The following C8orf76 variants were observed in gnomAD, a reference collection of about 807,000 sequenced individuals.
C8orf76 encodes the protein chromosome 8 open reading frame 76.
Under a neutral mutation model 38.1 loss-of-function variants are expected in C8orf76, and 46 were observed. The observed-to-expected ratio is 1.21, with a 90% CI of 0.95 to 1.54. The LOEUF (loss-of-function observed/expected upper bound fraction) is 1.54, where lower values mean the gene tolerates loss of function less well. Among genes scored for constraint, C8orf76 ranks in the 40% most tolerant of loss-of-function variants. The probability of loss-of-function intolerance (pLI) is 0.00; values close to 1 mark genes in which losing one functional copy is unlikely to be tolerated. For synonymous variants in C8orf76, 166 were observed against 167.5 expected (o/e 0.99, Z 0.07); for missense variants, 461 against 441.6 (o/e 1.04, Z -0.39).
chr8:123,231,270 C>T (rs1289683926), intron 4 of C8orf76, 30 bp downstream of exon 4: 1 of 1,573,342 alleles, frequency 6.4e-7, no homozygotes, highest in East Asian at 2.2e-5. Context: ...AGCTGATTAC[C>T]AAGCGTTGCT....
intron 5 of C8orf76, among the ~76,000 whole-genome samples, chr8:123,222,424 T>C (rs996716381): frequency 6.6e-6 from 1 of 152,078 alleles, no homozygotes; most frequent in South Asian, 2.1e-4. Flanking sequence ...AAATGAATAA[T>C]AGTAAGACCC....
chr8:123,240,823 T>G (rs1825657136), intron 1 of C8orf76, among the ~76,000 whole-genome samples: 1 of 152,146 alleles, frequency 6.6e-6, no homozygotes, highest in Non-Finnish European at 1.5e-5. Flanking sequence ...AGCGCGGGGT[T>G]GGTACGGGCA....
Position 123,220,178 on chromosome 8 carries a change from C to G in C8orf76, c.1068G>C (p.Lys356Asn). 1.2e-6 allele frequency: 2 copies of G among 1,614,032 alleles called. No individual in the cohort carries two copies. Among genetic ancestry groups the G allele is most frequent in the South Asian group, 2.2e-5 (2 of 91,078 alleles). The change falls in exon 6 of 6, where the codon AAG (lysine) becomes AAC (asparagine). Residue 356 changes from lysine to asparagine, a missense_variant. By Grantham distance (94) the Lys-to-Asn change is moderately conservative. Transcript: ENST00000276704. ...AATGGTCTTTGATCTTTCTGAACCA[C>G]TTGTCTTCAAATTCTTCTGAGGATA... ...VTVSSEEFED[K>N]WFRKIKDHFC...
intron 5 of C8orf76, among the ~76,000 whole-genome samples, chr8:123,222,285 G>A (rs1031341134): frequency 2.0e-5 from 3 of 152,176 alleles, no homozygotes; most frequent in African/African-American, 7.2e-5. Flanking sequence ...CGCCCGGCAG[G>A]CATCTTATTT....
chr8:123,231,392 A>C lies in C8orf76; in HGVS notation c.723T>G (p.Ala241=), dbSNP rs1283432347. 1.2e-6 allele frequency: 2 copies of C among 1,614,108 alleles called. No individual in the cohort carries two copies. The highest frequency in any genetic ancestry group is 1.7e-6 in the Non-Finnish European group (2 of 1,180,052). ...CCATACAGTTTTGGATATTTGTCAGAGCTTTCTCATTTTTCTGGCTATTAC... is the reference window on the plus strand; with the variant it reads ...CCATACAGTTTTGGATATTTGTCAGCGCTTTCTCATTTTTCTGGCTATTAC... ...NSSNSQKNEK[A]LTNIQNCMAE... is the part of the protein sequence containing the mutation. Residue 241 remains alanine (A), a synonymous_variant, in exon 4 of 6, where the codon GCT becomes GCG. Transcript: ENST00000276704.
At chr8:123,241,115 T>C in intron 1 of C8orf76, 115 bp downstream of exon 1, 1 of 1,060,166 alleles carries the variant, frequency 9.4e-7, no homozygotes, top group Non-Finnish European at 1.3e-6. Flanking sequence ...CGGCGGGCGC[T>C]GGAGCCTGCC....
chr8:123,222,444 A>C (rs930581951), intron 5 of C8orf76, among the ~76,000 whole-genome samples: 5 of 152,186 alleles, frequency 3.3e-5, no homozygotes, highest in Non-Finnish European at 7.3e-5. Context: ...CAAACAACAC[A>C]CTATTCCCAA....
At chr8:123,220,321 A>G in intron 5 of C8orf76, 24 bp from the exon 6 acceptor site, 1 of 1,494,858 alleles carries the variant, frequency 6.7e-7, no homozygotes, top group South Asian at 1.3e-5. Flanking sequence ...AAAAAAAAAA[A>G]CTGTCCCAAT....
At chr8:123,223,702 C>G (rs927523860) in intron 5 of C8orf76, among the ~76,000 whole-genome samples, 1 of 152,140 alleles carries the variant, frequency 6.6e-6, no homozygotes, top group African/African-American at 2.4e-5. Flanking sequence ...GTAGAAACAA[C>G]TCAAGTATCC....
rs556785814 is a variant in C8orf76 at position 123,241,303 on chromosome 8, G to C, written c.44C>G (p.Ser15Trp). The C allele has an allele frequency of 6.3e-7, 1 of 1,575,698 alleles. No individual in the cohort carries two copies. Among genetic ancestry groups the C allele is most frequent in the African/African-American group, 1.4e-5 (1 of 70,908 alleles). Residue 15 changes from serine to tryptophan, a missense_variant, in exon 1 of 6, where the codon TCG becomes TGG. Coordinates refer to ENST00000276704, the MANE Select transcript of C8orf76 (RefSeq NM_032847.3). Reference sequence around the variant, plus strand: ...CCGCTCCGGCCTCTCCTCGAACACCGAGTCCTCGAACTCGCCGCCGAACAA... The same window carrying C: ...CCGCTCCGGCCTCTCCTCGAACACCCAGTCCTCGAACTCGCCGCCGAACAA... ...CWLFGGEFED[S>W]VFEERPERRS...
chr8:123,235,469 T>C (rs1236509804), intron 3 of C8orf76, among the ~76,000 whole-genome samples: 2 of 151,940 alleles, frequency 1.3e-5, no homozygotes, highest in African/African-American at 4.8e-5. Context: ...GAAGAAATTT[T>C]AAAAAACAAA....
intron 5 of C8orf76, 66 bp from the exon 6 acceptor site, chr8:123,220,363 C>T: frequency 8.1e-7 from 1 of 1,231,952 alleles, no homozygotes; most frequent in Non-Finnish European, 1.1e-6. Context: ...TGCTAGTTAT[C>T]AACTGCGAAG....
chr8:123,226,511 A>T lies in C8orf76; in HGVS notation c.937T>A (p.Leu313Met). ...GFSFKEDTLL[L>M]IAEVMGEDIP... ...AGGGATACACTCACCTCAGCTATCAACAGCAAAGTGTCTTCTTTGAAGCTG... is the reference window on the plus strand; with the variant it reads ...AGGGATACACTCACCTCAGCTATCATCAGCAAAGTGTCTTCTTTGAAGCTG... Residue 313 changes from leucine (L) to methionine (M), a missense_variant, in exon 5 of 6, where the codon TTG becomes ATG. By Grantham distance (15) the Leu-to-Met change is conservative (BLOSUM62 2). Transcript: ENST00000276704. 6.2e-7 allele frequency: 1 copy of T among 1,612,944 alleles called. No individual in the cohort carries two copies. The highest frequency in any genetic ancestry group is 8.5e-7 in the Non-Finnish European group (1 of 1,179,766).
rs754651314 is a variant in C8orf76, at chr8:123,241,369, C to A, written c.-23G>T. On this transcript the variant is annotated 5_prime_UTR_variant, in exon 1 of 6. Coordinates refer to ENST00000276704, the MANE Select transcript of C8orf76 (RefSeq NM_032847.3). ...CATCTCGCGCCCGCGGCGGGGGCAACGAGGAAGCGGGGCCCGCCGGAAAAG... is the reference window on the plus strand; with the variant it reads ...CATCTCGCGCCCGCGGCGGGGGCAAAGAGGAAGCGGGGCCCGCCGGAAAAG... 36 of 1,539,154 alleles carry A rather than the reference C, an allele frequency of 2.3e-5. No individual in the cohort carries two copies. Among genetic ancestry groups the A allele is most frequent in the South Asian group, 1.2e-4 (10 of 82,824 alleles).
chr8:123,236,936 G>C, intron 3 of C8orf76: 1 of 1,465,808 alleles, frequency 6.8e-7, no homozygotes, highest in Non-Finnish European at 9.5e-7. Flanking sequence ...GGACAAGGAG[G>C]GCATCCCACC....
intron 5 of C8orf76, among the ~76,000 whole-genome samples, chr8:123,222,120 C>T (rs978443320): frequency 6.6e-6 from 1 of 152,144 alleles, no homozygotes; most frequent in African/African-American, 2.4e-5. Context: ...TCCCAAGTAG[C>T]TGGGATTACA....
In C8orf76 at chr8:123,237,921, G is replaced by C; in HGVS notation, c.234C>G (p.Ser78=). ...QEYQKALQEY[S]SISEKLSSTN... Reference sequence around the variant, plus strand: ...TTGATGACAATTTTTCAGAGATACTGGAATACTCCTGCAGTGCTTTCTGGA... The same window carrying C: ...TTGATGACAATTTTTCAGAGATACTCGAATACTCCTGCAGTGCTTTCTGGA... The change falls in exon 3 of 6, where the codon TCC becomes TCG. Residue 78 remains serine (S), a synonymous_variant. Transcript: ENST00000276704. The C allele has an allele frequency of 6.2e-7, 1 of 1,613,482 alleles. No homozygotes were observed.
intron 5 of C8orf76, among the ~76,000 whole-genome samples, chr8:123,223,853 C>T (rs891989163): frequency 6.6e-6 from 1 of 152,184 alleles, no homozygotes; most frequent in Middle Eastern, 3.4e-3. Flanking sequence ...AAAGCAGACA[C>T]AAAAGGACAC....
intron 5 of C8orf76, among the ~76,000 whole-genome samples, chr8:123,224,443 C>G (rs1239172140): frequency 2.0e-5 from 3 of 152,020 alleles, no homozygotes; most frequent in Non-Finnish European, 4.4e-5. Context: ...AAGACCCTGC[C>G]TCTACAAAAA....
Sources: allele counts gnomAD v4.1 joint callset (sites outside exome capture counted in the v4.1 genomes callset), GRCh38; gene constraint gnomAD v4.1.1; transcripts MANE v1.5; gene names NCBI Gene and HGNC (gene_info 2026-07-23, HGNC 2026-07-21).